The following HOMER1 variants were observed in gnomAD, a reference collection of about 807,000 sequenced individuals.
HOMER1 encodes homer protein homolog 1.
In HOMER1, 3 loss-of-function variants were observed where a neutral mutation model predicts 48.9. The ratio of observed to expected loss-of-function variants is 0.06; its 90% CI spans 0.03 to 0.16. The LOEUF is 0.16. Among genes scored for constraint, HOMER1 ranks in the 10% least tolerant of loss-of-function variants. The pLI is 1.00. For missense variants in HOMER1, 247 were observed against 411.4 expected (o/e 0.60, Z 3.46); for synonymous variants, 134 against 146.4 (o/e 0.92, Z 0.61).
intron 1 of HOMER1, among the ~76,000 whole-genome samples, chr5:79,488,633 T>C (rs1481310115): frequency 6.6e-6 from 1 of 152,226 alleles, no homozygotes; most frequent in Non-Finnish European, 1.5e-5. Flanking sequence ...TTTCTTACTG[T>C]ACATCCTTCA....
intron 8 of HOMER1, among the ~76,000 whole-genome samples, chr5:79,390,741 T>A (rs1261061352): frequency 6.6e-6 from 1 of 152,016 alleles, no homozygotes; most frequent in African/African-American, 2.4e-5. Flanking sequence ...AACACTGTGA[T>A]CCCAATGCAA....
Position 79,415,429 on chromosome 5 carries a change from T to C in HOMER1, c.528-13374A>G, listed in dbSNP as rs149434892. ...GATATCGAGGTGAAAAACATGGACA[T>C]AAATTGTAGTCATAAAGTGAATCAG... On this transcript the variant is annotated intron_variant, in intron 5 of 8. Coordinates refer to ENST00000334082, the MANE Select transcript of HOMER1 (RefSeq NM_004272.5). Among the ~76,000 whole-genome samples, 80 of 152,254 alleles carry C rather than the reference T, an allele frequency of 5.3e-4. 1 individual carries two copies. The highest frequency in any genetic ancestry group is 1.8e-3 in the African/African-American group (73 of 41,552).
At chr5:79,395,854 A>G (rs906414973) in intron 8 of HOMER1, among the ~76,000 whole-genome samples, 1 of 152,210 alleles carries the variant, frequency 6.6e-6, no homozygotes, top group Non-Finnish European at 1.5e-5. Flanking sequence ...TAATACAGGT[A>G]AAGTGCTAAG....
chr5:79,386,762 G>C (rs967883870), intron 8 of HOMER1, among the ~76,000 whole-genome samples: 2 of 152,158 alleles, frequency 1.3e-5, no homozygotes, highest in Admixed American at 1.3e-4. Context: ...TCAATAAAAG[G>C]AAACAAAGGC....
intron 8 of HOMER1, among the ~76,000 whole-genome samples, chr5:79,379,125 A>ATT (rs1561340367): frequency 1.6e-4 from 16 of 99,032 alleles, no homozygotes; most frequent in African/African-American, 7.2e-4. Context: ...AAATATATAA[A>ATT]TATTTATTTA....
At chr5:79,507,983 A>T (rs1428998394) in intron 1 of HOMER1, among the ~76,000 whole-genome samples, 1 of 152,140 alleles carries the variant, frequency 6.6e-6, no homozygotes, top group East Asian at 1.9e-4. Context: ...TCTCTCAGTC[A>T]CCATCCCTCC....
chr5:79,431,754 A>G (rs1341210406), intron 5 of HOMER1, among the ~76,000 whole-genome samples: 1 of 152,236 alleles, frequency 6.6e-6, no homozygotes, highest in Admixed American at 6.5e-5. Context: ...AAACAAAAGT[A>G]CAATGTACAT....
At chr5:79,470,051 A>G (rs1751576517) in intron 1 of HOMER1, among the ~76,000 whole-genome samples, 1 of 152,216 alleles carries the variant, frequency 6.6e-6, no homozygotes, top group African/African-American at 2.4e-5. Flanking sequence ...ATACAGGAAT[A>G]CAATAATCTA....
intron 5 of HOMER1, among the ~76,000 whole-genome samples, chr5:79,403,708 G>T (rs75618274): frequency 0.024 from 3,707 of 152,226 alleles, 148 homozygotes; most frequent in African/African-American, 0.084. Context: ...TACTGCCCTG[G>T]ATTTGATCAT....
chr5:79,459,320 A>G (rs1415669864), intron 1 of HOMER1, among the ~76,000 whole-genome samples: 3 of 152,226 alleles, frequency 2.0e-5, no homozygotes, highest in Non-Finnish European at 4.4e-5. Flanking sequence ...AAGACTTTCT[A>G]CATCATATTG....
chr5:79,420,012 A>G (rs1354656549), intron 5 of HOMER1, among the ~76,000 whole-genome samples: 1 of 152,170 alleles, frequency 6.6e-6, no homozygotes, highest in Non-Finnish European at 1.5e-5. Flanking sequence ...TATCTGCATT[A>G]CGATTTGCAT....
chr5:79,417,533 T>C (rs925307872), intron 5 of HOMER1, among the ~76,000 whole-genome samples: 2 of 152,240 alleles, frequency 1.3e-5, no homozygotes, highest in African/African-American at 4.8e-5. Flanking sequence ...CAGTGGGATG[T>C]CTTCAGGAAA....
chr5:79,451,258 T>G, intron 2 of HOMER1, 137 bp from the exon 3 acceptor site: 1 of 785,490 alleles, frequency 1.3e-6, no homozygotes, highest in Non-Finnish European at 1.9e-6. Context: ...GTTACAGAAA[T>G]AGTTTCTGGC....
intron 8 of HOMER1, among the ~76,000 whole-genome samples, chr5:79,378,081 G>A (rs1006052660): frequency 3.3e-5 from 5 of 151,952 alleles, no homozygotes; most frequent in South Asian, 2.1e-4. Flanking sequence ...TTAGCCAGGC[G>A]TGGTGGCAGG....
Position 79,433,326 on chromosome 5 carries a change from C to T in HOMER1, c.527+5684G>A, listed in dbSNP as rs181598667. Among the ~76,000 whole-genome samples, 384 of 152,136 alleles carry T rather than the reference C, an allele frequency of 2.5e-3. 2 individuals carry two copies. Among genetic ancestry groups the T allele is most frequent in the African/African-American group, 8.7e-3 (363 of 41,490 alleles). ...ACACCTGTCATCTCCTTTGGGGGGC[C>T]GAGGCAGGTGGATAATTTGAGGTCA... On this transcript the variant is annotated intron_variant, in intron 5 of 8. Coordinates refer to ENST00000334082, the MANE Select transcript of HOMER1 (RefSeq NM_004272.5).
At chr5:79,379,289 T>G (rs1339963754) in intron 8 of HOMER1, among the ~76,000 whole-genome samples, 1 of 95,558 alleles carries the variant, frequency 1.0e-5, no homozygotes, top group African/African-American at 4.2e-5. Flanking sequence ...ATCTATTATA[T>G]ATATTAAAAT....
chr5:79,455,618 G>A (rs900901272), intron 2 of HOMER1, among the ~76,000 whole-genome samples: 4 of 152,172 alleles, frequency 2.6e-5, no homozygotes. Flanking sequence ...GTATGAGAAT[G>A]GACTAATATA....
chr5:79,400,085 A>T (rs949277465), intron 6 of HOMER1, among the ~76,000 whole-genome samples: 6 of 151,102 alleles, frequency 4.0e-5, no homozygotes, highest in East Asian at 1.9e-4. Context: ...ATTGTCATAA[A>T]TTTTTTTTTG....
rs149221955 is a variant in HOMER1, at chr5:79,507,521, T to C, written c.5+5249A>G. On this transcript the variant is annotated intron_variant, in intron 1 of 8. Coordinates refer to ENST00000334082, the MANE Select transcript of HOMER1 (RefSeq NM_004272.5). ...AAACTGCACATTTCATTCCACGAGA[T>C]ACGACCTGAGATATAAATCTATGTA... is the stretch of plus-strand genomic sequence containing the variant. Among the ~76,000 whole-genome samples the C allele has an allele frequency of 4.3e-3, 657 of 152,262 alleles. 3 individuals carry two copies. The highest frequency in any genetic ancestry group is 0.015 in the African/African-American group (626 of 41,554).
Sources: gnomAD v4.1 joint callset for allele counts (sites outside exome capture counted in the v4.1 genomes callset) on GRCh38, gnomAD v4.1.1 for gene constraint, MANE v1.5 for transcripts, NCBI Gene and HGNC (gene_info 2026-07-23, HGNC 2026-07-21) for gene names.